EPCAM: variants seen among roughly 807,000 people sequenced by gnomAD.
EPCAM encodes the protein epithelial cell adhesion molecule, also known as adenocarcinoma-associated antigen.
EPCAM carries 39 observed loss-of-function variants against 40.0 expected under a neutral mutation model. The ratio of observed to expected loss-of-function variants is 0.98; its 90% CI spans 0.76 to 1.27. EPCAM has a LOEUF of 1.27. Ranked by LOEUF, EPCAM falls within the 50% of genes most tolerant of loss-of-function variation. EPCAM has a pLI of 0.00. For missense variants in EPCAM, 503 were observed against 381.2 expected, an observed-to-expected ratio of 1.32 and a Z score of -2.66; for synonymous variants, 168 against 132.3, an observed-to-expected ratio of 1.27 and a Z score of -1.85.
chr2:47,384,318 G>A (rs1671677902), intron 7 of EPCAM, among the ~76,000 whole-genome samples: 1 of 151,922 alleles, frequency 6.6e-6, no homozygotes, highest in Non-Finnish European at 1.5e-5. Context: ...TGGCCAGGCT[G>A]GTCTTGAACT....
At chr2:47,386,203 A>AAACACTAAT (rs1310794631) in intron 8 of EPCAM, among the ~76,000 whole-genome samples, 2 of 152,204 alleles carry the variant, frequency 1.3e-5, no homozygotes, top group Admixed American at 6.6e-5. Flanking sequence ...GATCTGAGAC[A>AAACACTAAT]AACACTAATT....
At chr2:47,379,994 C>T (rs774911872) in intron 7 of EPCAM, 25 bp downstream of exon 7, 5 of 1,588,148 alleles carry the variant, frequency 3.1e-6, no homozygotes, top group Non-Finnish European at 4.3e-6. Context: ...AGTAAAATTT[C>T]ATTTAAGGGT....
chr2:47,371,244 A>G (rs1359302143), intron 1 of EPCAM, among the ~76,000 whole-genome samples: 1 of 152,214 alleles, frequency 6.6e-6, no homozygotes, highest in African/African-American at 2.4e-5. Context: ...GGAATAAACA[A>G]CTTGGCTGCC....
rs141839944 is a variant in EPCAM, at chr2:47,370,797, C to G, written c.76+1216C>G. ...CCAGGCTGGAGTACAACGGCGCGAT[C>G]TCATCTCACTGCAATTCAGGCGATT... On this transcript the variant is annotated intron_variant, in intron 1 of 8. Coordinates refer to ENST00000263735, the MANE Select transcript of EPCAM (RefSeq NM_002354.3). Among the ~76,000 whole-genome samples the G allele has an allele frequency of 2.9e-3, 443 of 151,988 alleles. 4 individuals carry two copies. Among genetic ancestry groups the G allele is most frequent in the African/African-American group, 0.01 (423 of 41,454 alleles).
In EPCAM at chr2:47,369,575, C is replaced by T. The variant is rs1464252923; in HGVS notation, c.70C>T (p.Gln24Ter). ...GGCGACGGCGACTTTTGCCGCAGCT[C>T]AGGAAGGTGAGGCGCGGATTGGAGC... ...AAATATFAAA[Q>*]EECVCENYKL... The change falls in exon 1 of 9, where the codon CAG becomes TAG. Residue 24 changes from glutamine to a stop codon, truncating the protein, a stop_gained. Coordinates refer to ENST00000263735, the MANE Select transcript of EPCAM (RefSeq NM_002354.3). LOFTEE classifies it high-confidence loss of function. 1.3e-6 allele frequency: 2 copies of T among 1,591,634 alleles called. No individual in the cohort carries two copies. Among genetic ancestry groups the T allele is most frequent in the African/African-American group, 1.3e-5 (1 of 74,440 alleles).
rs573642763 is a variant in EPCAM at position 47,386,818 on chromosome 2, A to G, written c.*205A>G. On this transcript the variant is annotated 3_prime_UTR_variant, in exon 9 of 9. Transcript: ENST00000263735. ...TGAAATTTGACCACAAGTGTCTTAT[A>G]TATGCAGATCTAATGTAAAATCCAG... is the stretch of plus-strand genomic sequence containing the variant. 4 of 451,996 alleles carry G rather than the reference A, an allele frequency of 8.8e-6. No homozygotes were observed. In the South Asian group the frequency reaches 1.9e-4, roughly 21 times the overall value. The allele number at this position is 451,996 out of a possible 1,614,324, so 28.0% of individuals were successfully genotyped here.
intron 6 of EPCAM, 130 bp from the exon 7 acceptor site, chr2:47,379,639 A>AAATTTCTC (rs1230756624): frequency 2.5e-5 from 27 of 1,063,024 alleles, no homozygotes; most frequent in Non-Finnish European, 3.4e-5. Context: ...CCAATAAATT[A>AAATTTCTC]GATTGTTATC....
intron 7 of EPCAM, among the ~76,000 whole-genome samples, chr2:47,382,403 C>T (rs1671617565): frequency 2.0e-5 from 3 of 152,164 alleles, no homozygotes; most frequent in Admixed American, 2.0e-4. Context: ...AAAGGTGAAT[C>T]TGGCCAGGCG....
intron 7 of EPCAM, 65 bp from the exon 8 acceptor site, chr2:47,385,101 G>A (rs1671708579): frequency 8.4e-7 from 1 of 1,184,314 alleles, no homozygotes; most frequent in South Asian, 1.2e-5. Context: ...AAGCATATAT[G>A]TCTGTTTAGA....
intron 7 of EPCAM, among the ~76,000 whole-genome samples, chr2:47,383,908 AT>A (rs949306988): frequency 2.7e-4 from 41 of 151,944 alleles, no homozygotes; most frequent in African/African-American, 9.6e-4. Context: ...AAGTGCTGTG[AT>A]TATAGGCGTG....
In EPCAM at chr2:47,379,715, G is replaced by A. The variant is rs115618704; in HGVS notation, c.658-54G>A. 500 of 1,594,326 alleles carry A rather than the reference G, an allele frequency of 3.1e-4. 1 individual carries two copies. The African/African-American group carries it at 6.2e-3, about 20-fold the overall frequency. On this transcript the variant is annotated intron_variant, in intron 6 of 8. Transcript: ENST00000263735. ...TACAATTTGTATGTAATTATATGTGGCCATGGTTGGTTTCCTTAAATATTT... is the reference window on the plus strand; with the variant it reads ...TACAATTTGTATGTAATTATATGTGACCATGGTTGGTTTCCTTAAATATTT...
chr2:47,384,990 A>G (rs559276580), intron 7 of EPCAM, among the ~76,000 whole-genome samples, 176 bp from the exon 8 acceptor site: 1 of 152,352 alleles, frequency 6.6e-6, no homozygotes, highest in South Asian at 2.1e-4. Flanking sequence ...TACAGGCATG[A>G]GCCACTCCAC....
At chr2:47,379,319 T>G (rs1265675880) in intron 6 of EPCAM, among the ~76,000 whole-genome samples, 2 of 152,218 alleles carry the variant, frequency 1.3e-5, no homozygotes, top group Non-Finnish European at 2.9e-5. Flanking sequence ...AGTTTGTGCA[T>G]ATATGCTCCC....
At chr2:47,382,412 C>T (rs896695118) in intron 7 of EPCAM, among the ~76,000 whole-genome samples, 2 of 152,212 alleles carry the variant, frequency 1.3e-5, no homozygotes, top group Admixed American at 6.5e-5. Flanking sequence ...TCTGGCCAGG[C>T]GTGGTGGCTT....
Position 47,379,753 on chromosome 2 carries a change from C to T in EPCAM, c.658-16C>T, listed in dbSNP as rs927296654. ...TCCTTAAATATTTTTAATTCCTTTT[C>T]TCCTTTTCAATACAGGTTAAAGGTG... On this transcript the variant is annotated splice_polypyrimidine_tract_variant and intron_variant, in intron 6 of 8. Transcript: ENST00000263735. 1.9e-6 allele frequency: 3 copies of T among 1,611,282 alleles called. No individual in the cohort carries two copies. The highest frequency in any genetic ancestry group is 1.3e-5 in the African/African-American group (1 of 74,814).
chr2:47,383,607 C>CTTT lies in EPCAM; in HGVS notation c.859-1516_859-1514dup, dbSNP rs760722807. On this transcript the variant is annotated intron_variant, in intron 7 of 8. Coordinates refer to ENST00000263735, the MANE Select transcript of EPCAM (RefSeq NM_002354.3). ...CATGAGCCACTGTGCCCGGCTTCTTCTTTTTTTTTTTTTTTTTTTTTTTTT... is the reference window on the plus strand; with the variant it reads ...CATGAGCCACTGTGCCCGGCTTCTTCTTTTTTTTTTTTTTTTTTTTTTTTTTTT... Among the ~76,000 whole-genome samples the CTTT allele has an allele frequency of 2.9e-3, 105 of 36,470 alleles. 36 individuals carry two copies. Among genetic ancestry groups the CTTT allele is most frequent in the Non-Finnish European group, 5.1e-3 (78 of 15,156 alleles). The allele number at this position is 36,470 out of a possible 152,430, so 23.9% of individuals were successfully genotyped here.
intron 1 of EPCAM, among the ~76,000 whole-genome samples, chr2:47,371,416 G>T (rs1029483962): frequency 1.3e-5 from 2 of 152,178 alleles, no homozygotes; most frequent in Admixed American, 6.6e-5. Flanking sequence ...ATGAGCCACC[G>T]GTCCGGCATC....
At chr2:47,377,110 C>G (rs1359925507) in intron 5 of EPCAM, 33 bp downstream of exon 5, 17 of 1,366,956 alleles carry the variant, frequency 1.2e-5, no homozygotes, top group Non-Finnish European at 1.8e-5. Context: ...CTTTAGCAGA[C>G]AGTTGGTGAG....
chr2:47,369,671 G>C, intron 1 of EPCAM, 90 bp downstream of exon 1: 1 of 1,310,668 alleles, frequency 7.6e-7, no homozygotes. Flanking sequence ...GGGCATAATA[G>C]GGAGGGGACC....
Sources: allele counts gnomAD v4.1 joint callset (sites outside exome capture counted in the v4.1 genomes callset), GRCh38; gene constraint gnomAD v4.1.1; transcripts MANE v1.5; gene names NCBI Gene and HGNC (gene_info 2026-07-23, HGNC 2026-07-21).